Variants in RORA observed in about 807,000 individuals in gnomAD.
RORA encodes nuclear receptor ROR-alpha.
In RORA, 7 loss-of-function variants were observed where a neutral mutation model predicts 69.5. That is an observed-to-expected ratio of 0.10 (90% CI 0.06 to 0.19). The LOEUF is 0.19. Ranked by LOEUF, RORA falls within the 10% of genes least tolerant of loss-of-function variation. RORA has a pLI of 1.00. For missense variants in RORA, 457 were observed against 663.0 expected (o/e 0.69, Z 3.41); for synonymous variants, 261 against 240.8 (o/e 1.08, Z -0.78).
At chr15:60,870,997 C>T (rs755987941) in intron 1 of RORA, among the ~76,000 whole-genome samples, 4 of 152,220 alleles carry the variant, frequency 2.6e-5, no homozygotes, top group Non-Finnish European at 5.9e-5. Flanking sequence ...GCTAGACAAT[C>T]AATGCAAGTT....
At chr15:61,157,665 G>C (rs143215161) in intron 1 of RORA, among the ~76,000 whole-genome samples, 138 of 152,240 alleles carry the variant, frequency 9.1e-4, no homozygotes, top group African/African-American at 3.2e-3. Flanking sequence ...AAAAATCTTT[G>C]CGATTGATTT....
rs1167357455 is a variant in RORA, at chr15:61,128,875, C to A, written c.166+100178G>T. ...AATGAGAGCAACCAACCTGGTCCTG[C>A]ACGCTCATTTACATGGGACCCAAGA... is the stretch of plus-strand genomic sequence containing the variant. On this transcript the variant is annotated intron_variant, in intron 1 of 10. Coordinates refer to ENST00000335670, the MANE Select transcript of RORA (RefSeq NM_134261.3). The surrounding 1 kb of genome is among the most constrained non-coding windows in gnomAD (Gnocchi z 4.5). 6.6e-6 allele frequency among the ~76,000 whole-genome samples: 1 copy of A among 152,204 alleles called. No homozygotes were observed. The highest frequency in any genetic ancestry group is 2.4e-5 in the African/African-American group (1 of 41,466).
chr15:60,993,085 GCTGT>G (rs921553478), intron 1 of RORA, among the ~76,000 whole-genome samples: 3 of 152,138 alleles, frequency 2.0e-5, no homozygotes, highest in African/African-American at 7.2e-5. Flanking sequence ...GTAGGTAATA[GCTGT>G]CTATTTACAA....
intron 1 of RORA, among the ~76,000 whole-genome samples, chr15:60,746,535 T>C (rs1270729863): frequency 1.3e-5 from 2 of 152,292 alleles, no homozygotes; most frequent in South Asian, 2.1e-4. Flanking sequence ...ATTCTGACCT[T>C]CAACTACCTG....
chr15:60,758,415 C>T (rs935313161), intron 1 of RORA, among the ~76,000 whole-genome samples: 4 of 152,172 alleles, frequency 2.6e-5, no homozygotes, highest in African/African-American at 9.7e-5. Flanking sequence ...CACAATTTCA[C>T]CCTTGAGTTC....
chr15:61,191,269 G>A (rs1333725173), intron 1 of RORA, among the ~76,000 whole-genome samples: 1 of 151,714 alleles, frequency 6.6e-6, no homozygotes, highest in African/African-American at 2.4e-5. Flanking sequence ...TACAACTCTT[G>A]GCAGAGTACA....
At chr15:60,816,967 A>ATATATGTTTGCAAAATATATG in intron 1 of RORA, among the ~76,000 whole-genome samples, 1 of 152,206 alleles carries the variant, frequency 6.6e-6, no homozygotes, top group African/African-American at 2.4e-5. Flanking sequence ...TATGATTGCC[A>ATATATGTTTGCAAAATATATG]TTTGCAAAAT....
chr15:61,184,640 T>G (rs540116153), intron 1 of RORA, among the ~76,000 whole-genome samples: 2 of 152,148 alleles, frequency 1.3e-5, no homozygotes, highest in South Asian at 2.1e-4. Context: ...AGGGGAGTAC[T>G]TGGCATACAG....
chr15:61,019,599 G>C (rs1238571611), intron 1 of RORA, among the ~76,000 whole-genome samples: 1 of 152,082 alleles, frequency 6.6e-6, no homozygotes, highest in Non-Finnish European at 1.5e-5. Context: ...GGCTGGAAAA[G>C]TTAGTGAAGG....
At chr15:60,615,886 T>A (rs543812845) in intron 2 of RORA, among the ~76,000 whole-genome samples, 9 of 152,324 alleles carry the variant, frequency 5.9e-5, no homozygotes, top group African/African-American at 2.2e-4. Flanking sequence ...AACTCTGCTT[T>A]CTCACTCTCC....
At chr15:61,113,816 T>C (rs2079028085) in intron 1 of RORA, among the ~76,000 whole-genome samples, 3 of 152,348 alleles carry the variant, frequency 2.0e-5, no homozygotes, top group African/African-American at 7.2e-5. Context: ...CCTTTTAAGA[T>C]GTCAAGTGCC....
intron 1 of RORA, among the ~76,000 whole-genome samples, chr15:60,854,692 C>T (rs1274706670): frequency 6.6e-6 from 1 of 152,132 alleles, no homozygotes; most frequent in Non-Finnish European, 1.5e-5. Context: ...GATGATTATC[C>T]CTAAAAGTCA....
chr15:60,682,066 G>T (rs141969035), intron 1 of RORA: 1 of 152,204 alleles, frequency 6.6e-6, no homozygotes, highest in African/African-American at 2.4e-5. Flanking sequence ...TAGGTTGAGA[G>T]ACCTTGAACA....
chr15:60,526,200 T>C (rs931660787), intron 3 of RORA, among the ~76,000 whole-genome samples: 3 of 152,232 alleles, frequency 2.0e-5, no homozygotes, highest in Admixed American at 1.3e-4. Context: ...TGTTCAGTAG[T>C]GACTGGCCTC....
At chr15:61,075,276 G>A (rs1171321533) in intron 1 of RORA, among the ~76,000 whole-genome samples, 1 of 152,054 alleles carries the variant, frequency 6.6e-6, no homozygotes, top group Non-Finnish European at 1.5e-5. Context: ...TAGGAATCTG[G>A]AGGGAGGAGG....
At chr15:60,800,639 A>C (rs904052432) in intron 1 of RORA, among the ~76,000 whole-genome samples, 7 of 152,018 alleles carry the variant, frequency 4.6e-5, no homozygotes, top group African/African-American at 1.7e-4. Context: ...GGGGCGAGAG[A>C]CTTTCCCTGA....
In RORA at chr15:60,495,261, CTTAAA is replaced by C. The variant is rs755943310; in HGVS notation, c.*2189_*2193del. 2.6e-5 allele frequency: 4 copies of C among 152,164 alleles called. No individual in the cohort carries two copies. The highest frequency in any genetic ancestry group is 7.2e-5 in the African/African-American group (3 of 41,434). The allele number at this position is 152,164 out of a possible 1,614,324, so 9.4% of individuals were successfully genotyped here. ...CTGATCTTTAAAGGAACTATGCTTA[CTTAAA>C]TTAAAGATTTGATTTAACCCTTCTT... On this transcript the variant is annotated 3_prime_UTR_variant, in exon 11 of 11. Coordinates refer to ENST00000335670, the MANE Select transcript of RORA (RefSeq NM_134261.3).
intron 2 of RORA, among the ~76,000 whole-genome samples, chr15:60,546,805 T>A (rs899959875): frequency 2.0e-5 from 3 of 152,166 alleles, no homozygotes. Context: ...CTCTCCTGCC[T>A]CTTAGTGATT....
chr15:60,698,817 C>A (rs1042356709), intron 1 of RORA, among the ~76,000 whole-genome samples: 2 of 151,958 alleles, frequency 1.3e-5, no homozygotes, highest in Non-Finnish European at 2.9e-5. Context: ...AAAAAGGTGT[C>A]CCTTTAAAAT....
Sources: allele counts gnomAD v4.1 joint callset (sites outside exome capture counted in the v4.1 genomes callset), GRCh38; gene constraint gnomAD v4.1.1; non-coding constraint Gnocchi (gnomAD v3.1); transcripts MANE v1.5; gene names NCBI Gene and HGNC (gene_info 2026-07-23, HGNC 2026-07-21).